LIN9: variants seen among roughly 807,000 people sequenced by gnomAD.
LIN9 encodes lin-9 DREAM MuvB core complex component.
LIN9 carries 18 observed loss-of-function variants against 78.0 expected under a neutral mutation model. The ratio of observed to expected loss-of-function variants is 0.23; its 90% CI spans 0.16 to 0.34. The LOEUF (loss-of-function observed/expected upper bound fraction) is 0.34, where lower values mean the gene tolerates loss of function less well. Among genes scored for constraint, LIN9 ranks in the 10% least tolerant of loss-of-function variants. The pLI, the probability that LIN9 is intolerant of heterozygous loss-of-function variation, is 1.00. For synonymous variants in LIN9, 192 were observed against 215.2 expected, an observed-to-expected ratio of 0.89 and a Z score of 0.94; for missense variants, 451 against 644.1, an observed-to-expected ratio of 0.70 and a Z score of 3.25.
chr1:226,277,498 TCC>T (rs1266107299), intron 7 of LIN9, among the ~76,000 whole-genome samples: 1 of 152,184 alleles, frequency 6.6e-6, no homozygotes, highest in African/African-American at 2.4e-5. Context: ...CAGAATTTTG[TCC>T]CATGTGTACG....
upstream of LIN9, chr1:226,309,570 C>T: frequency 8.4e-7 from 1 of 1,185,286 alleles, no homozygotes; most frequent in Non-Finnish European, 1.1e-6. Flanking sequence ...GGGAAAGAAG[C>T]CCTCGGTTCT....
At chr1:226,262,374 T>C (rs951809664) in intron 10 of LIN9, among the ~76,000 whole-genome samples, 16 of 152,094 alleles carry the variant, frequency 1.1e-4, no homozygotes, top group African/African-American at 3.9e-4. Context: ...ATTTGTAAAA[T>C]ATACATCCGA....
chr1:226,241,064 T>C (rs1028027441), intron 11 of LIN9, among the ~76,000 whole-genome samples: 1 of 152,140 alleles, frequency 6.6e-6, no homozygotes, highest in African/African-American at 2.4e-5. Flanking sequence ...GGGGAGGGAA[T>C]GCCACAGTGG....
chr1:226,282,204 T>G (rs557447771), intron 6 of LIN9, among the ~76,000 whole-genome samples: 1 of 152,184 alleles, frequency 6.6e-6, no homozygotes, highest in South Asian at 2.1e-4. Context: ...GGTTTTCTAT[T>G]ATATGGAGTG....
intron 11 of LIN9, among the ~76,000 whole-genome samples, chr1:226,240,998 T>C (rs12061110): frequency 0.023 from 3,505 of 152,282 alleles, 140 homozygotes; most frequent in African/African-American, 0.079. Context: ...TGAAGCCAGT[T>C]TGCATCAGTT....
intron 6 of LIN9, among the ~76,000 whole-genome samples, chr1:226,281,609 T>C (rs1661057153): frequency 6.6e-6 from 1 of 152,088 alleles, no homozygotes; most frequent in Non-Finnish European, 1.5e-5. Context: ...TATATATCAA[T>C]TTAAAAAATA....
Position 226,301,199 on chromosome 1 carries a change from G to T in LIN9, c.38C>A (p.Ser13Ter). 6.2e-7 allele frequency: 1 copy of T among 1,601,038 alleles called. No homozygotes were observed. The highest frequency in any genetic ancestry group is 8.5e-7 in the Non-Finnish European group (1 of 1,176,982). ...ELDQLPDESSSAKALVSLKEG... is the reference protein window; with the variant it reads ...ELDQLPDESS The stretch of plus-strand genomic sequence containing the variant: ...TTTTAAACTGACAAGGGCTTTTGCT[G>T]AAGAGCCTGCAATTAAAAATAAAAC... Residue 13 changes from serine (S) to a stop codon, truncating the protein, a stop_gained, in exon 2 of 15, where the codon TCA (serine) becomes TAA (stop). Transcript: ENST00000681046. LOFTEE classifies it high-confidence loss of function.
intron 1 of LIN9, among the ~76,000 whole-genome samples, chr1:226,302,584 C>A (rs1159194540): frequency 1.3e-5 from 2 of 149,764 alleles, no homozygotes; most frequent in Non-Finnish European, 3.0e-5. Context: ...GAGAAAGAAG[C>A]TTTTTGAGAG....
At chr1:226,276,958 C>A (rs756925514) in intron 7 of LIN9, among the ~76,000 whole-genome samples, 1 of 151,610 alleles carries the variant, frequency 6.6e-6, no homozygotes, top group Admixed American at 6.6e-5. Flanking sequence ...CCAAAGTCCA[C>A]GAGAACAATG....
At position 226,297,778 on chromosome 1, in the gene LIN9, T is replaced by G. The variant is rs771808456; in HGVS notation, c.100A>C (p.Ser34Arg). Residue 34 changes from serine (S) to arginine (R), a missense_variant, in exon 3 of 15, where the codon AGT becomes CGT. Coordinates refer to ENST00000681046, the MANE Select transcript of LIN9 (RefSeq NM_001366245.2). ...SLSNTWNEKY[S>R]SLQKTPVWKG... The stretch of plus-strand genomic sequence containing the variant: ...CAAACAGGTGTTTTCTGTAAAGAAC[T>G]GTACTTTTCATTCCACGTGTTAGAT... 29 of 1,590,514 alleles carry G rather than the reference T, an allele frequency of 1.8e-5. No homozygotes were observed. The South Asian group carries it at 3.3e-4, about 18-fold the overall frequency.
intron 7 of LIN9, among the ~76,000 whole-genome samples, chr1:226,270,141 G>A (rs1245907242): frequency 6.6e-6 from 1 of 152,012 alleles, no homozygotes; most frequent in African/African-American, 2.4e-5. Flanking sequence ...GGCCAGGCTG[G>A]TCACAAACTC....
At chr1:226,248,151 G>T (rs1658603593) in intron 11 of LIN9, among the ~76,000 whole-genome samples, 1 of 152,174 alleles carries the variant, frequency 6.6e-6, no homozygotes, top group African/African-American at 2.4e-5. Context: ...CTTTAGAGAA[G>T]TGCTTCTTTC....
At chr1:226,275,357 C>A (rs1221519128) in intron 7 of LIN9, among the ~76,000 whole-genome samples, 1 of 152,018 alleles carries the variant, frequency 6.6e-6, no homozygotes, top group African/African-American at 2.4e-5. Flanking sequence ...GTTTGCTGAC[C>A]CCTGCACTAG....
Position 226,265,442 on chromosome 1 carries a change from C to G in LIN9, c.1038+91G>C. ...TCTTAAAACCTACACGGTGATAAAC[C>G]TACACGGCCCTAGAAAAATTTTCAA... On this transcript the variant is annotated intron_variant, in intron 10 of 14. Transcript: ENST00000681046. This position sits in a 1 kb window ranked among gnomAD's most constrained non-coding sequence, Gnocchi z 4.1. 1.5e-6 allele frequency: 1 copy of G among 670,878 alleles called. No homozygotes were observed. Among genetic ancestry groups the G allele is most frequent in the Non-Finnish European group, 2.6e-6 (1 of 389,644 alleles). 41.6% of individuals were successfully genotyped at this position (670,878 alleles called of 1,614,324 possible). A position where few individuals can be genotyped will look rare whatever the true frequency, so the allele number is the denominator to read the frequency against.
chr1:226,255,945 T>C (rs1659163863), intron 10 of LIN9, among the ~76,000 whole-genome samples: 1 of 151,908 alleles, frequency 6.6e-6, no homozygotes, highest in East Asian at 1.9e-4. Context: ...CTATCTGAAA[T>C]ATAATGAATG....
At chr1:226,271,510 T>C (rs1305312090) in intron 7 of LIN9, among the ~76,000 whole-genome samples, 1 of 152,236 alleles carries the variant, frequency 6.6e-6, no homozygotes, top group Non-Finnish European at 1.5e-5. Flanking sequence ...GTATATGGTA[T>C]ATGTCGATAA....
intron 11 of LIN9, 151 bp from the exon 12 acceptor site, chr1:226,239,247 T>C (rs1657941938): frequency 1.3e-6 from 1 of 759,128 alleles, no homozygotes; most frequent in African/African-American, 1.8e-5. Context: ...TCTGTGATAA[T>C]GGCATTGTTA....
At chr1:226,260,391 A>C (rs1659486839) in intron 10 of LIN9, among the ~76,000 whole-genome samples, 1 of 152,128 alleles carries the variant, frequency 6.6e-6, no homozygotes, top group Non-Finnish European at 1.5e-5. Context: ...GAAAACTATA[A>C]GCCAGGCACA....
chr1:226,251,494 C>T (rs866914123), intron 10 of LIN9, among the ~76,000 whole-genome samples: 3 of 152,244 alleles, frequency 2.0e-5, no homozygotes, highest in Middle Eastern at 3.4e-3. Flanking sequence ...TCCCAAAGTG[C>T]TGGGATTACA....
Sources: allele counts gnomAD v4.1 joint callset (sites outside exome capture counted in the v4.1 genomes callset), GRCh38; gene constraint gnomAD v4.1.1; non-coding constraint Gnocchi (gnomAD v3.1); transcripts MANE v1.5; gene names NCBI Gene and HGNC (gene_info 2026-07-23, HGNC 2026-07-21).